PCDH7: variants seen among roughly 807,000 people sequenced by gnomAD.
PCDH7 encodes the protein protocadherin 7, also known as protocadherin-7.
A neutral mutation model predicts 58.9 loss-of-function variants in PCDH7; 17 were observed. The ratio of observed to expected loss-of-function variants is 0.29; its 90% CI spans 0.20 to 0.43. The LOEUF (loss-of-function observed/expected upper bound fraction) is 0.43, where lower values mean the gene tolerates loss of function less well. PCDH7 is among the 20% of genes least tolerant of loss of function. The pLI is 1.00. For synonymous variants in PCDH7, 664 were observed against 616.4 expected, an observed-to-expected ratio of 1.08 and a Z score of -1.14; for missense variants, 1,274 against 1,441.0, an observed-to-expected ratio of 0.88 and a Z score of 1.88.
intron 3 of PCDH7, among the ~76,000 whole-genome samples, chr4:31,035,168 T>A (rs1755288162): frequency 6.6e-6 from 1 of 152,100 alleles, no homozygotes. Flanking sequence ...CAGTAAGATA[T>A]GTACTTGTCC....
Position 30,758,658 on chromosome 4 carries a change from C to A in PCDH7, c.70+34062C>A, listed in dbSNP as rs564016017. Among the ~76,000 whole-genome samples the A allele has an allele frequency of 2.2e-4, 34 of 152,246 alleles. 1 individual carries two copies. Among genetic ancestry groups the A allele is most frequent in the Admixed American group, 2.1e-3 (32 of 15,298 alleles). On this transcript the variant is annotated intron_variant, in intron 1 of 3. Coordinates refer to the PCDH7 transcript ENST00000509759. ...ACTAAAGGGCAGATAGGACAAATGA[C>A]CCTGCCTGCATCGGTGGACAGGAAG...
chr4:30,988,053 G>A (rs549078817), intron 3 of PCDH7, among the ~76,000 whole-genome samples: 255 of 152,242 alleles, frequency 1.7e-3, no homozygotes, highest in African/African-American at 5.9e-3. Flanking sequence ...AAAACATGCT[G>A]TTCCCTAGAA....
chr4:30,948,208 T>A (rs1746945704), intron 2 of PCDH7, among the ~76,000 whole-genome samples: 2 of 151,622 alleles, frequency 1.3e-5, no homozygotes, highest in Non-Finnish European at 2.9e-5. Context: ...TAATTCATTA[T>A]CCCATAATAA....
chr4:30,941,919 A>C (rs1453236155), intron 2 of PCDH7, among the ~76,000 whole-genome samples: 2 of 151,976 alleles, frequency 1.3e-5, no homozygotes, highest in Non-Finnish European at 2.9e-5. Flanking sequence ...AGCTTGGTTT[A>C]AGTTTTAAGA....
exon 2 of PCDH7, chr4:30,731,275 A>C: frequency 1.1e-5 from 4 of 358,176 alleles, no homozygotes; most frequent in Non-Finnish European, 1.6e-5. Context: ...GTGAAGGATA[A>C]TATCTTTTGC....
chr4:31,033,660 A>T (rs895123411), intron 3 of PCDH7, among the ~76,000 whole-genome samples: 2 of 152,166 alleles, frequency 1.3e-5, no homozygotes, highest in Non-Finnish European at 2.9e-5. Flanking sequence ...CATTACAGGC[A>T]TTACCCGACA....
chr4:31,089,764 T>C (rs188952411), intron 3 of PCDH7, among the ~76,000 whole-genome samples: 9 of 152,238 alleles, frequency 5.9e-5, no homozygotes, highest in Admixed American at 1.3e-4. Flanking sequence ...ATAGTAACTT[T>C]AGGTAATGGA....
intron 1 of PCDH7, among the ~76,000 whole-genome samples, chr4:30,740,205 C>T (rs1426935561): frequency 6.6e-6 from 1 of 152,180 alleles, no homozygotes; most frequent in African/African-American, 2.4e-5. Flanking sequence ...GGGAACACAT[C>T]TATTTTACAG....
chr4:30,858,810 T>C (rs945158146), intron 1 of PCDH7, among the ~76,000 whole-genome samples: 2 of 152,172 alleles, frequency 1.3e-5, no homozygotes, highest in African/African-American at 4.8e-5. Flanking sequence ...AAGTCTTTTT[T>C]TTTTAAACTT....
intron 3 of PCDH7, among the ~76,000 whole-genome samples, chr4:30,964,589 G>A (rs1024801796): frequency 6.8e-6 from 1 of 146,556 alleles, no homozygotes; most frequent in Non-Finnish European, 1.5e-5. Context: ...TTTTCATATC[G>A]TTGCATATGA....
chr4:30,784,197 C>A (rs753363293), intron 1 of PCDH7, among the ~76,000 whole-genome samples: 1 of 152,194 alleles, frequency 6.6e-6, no homozygotes, highest in Non-Finnish European at 1.5e-5. Context: ...TCCAGTTCTA[C>A]TCTGACCCTT....
At chr4:31,096,681 CA>C (rs1714030822) in intron 3 of PCDH7, among the ~76,000 whole-genome samples, 1 of 152,068 alleles carries the variant, frequency 6.6e-6, no homozygotes, top group Non-Finnish European at 1.5e-5. Context: ...GATATATCGA[CA>C]AGGGAAATCT....
At chr4:31,122,755 C>A (rs1260583063) in intron 3 of PCDH7, among the ~76,000 whole-genome samples, 1 of 150,824 alleles carries the variant, frequency 6.6e-6, no homozygotes, top group African/African-American at 2.4e-5. Flanking sequence ...GGGATTTAAG[C>A]AGTAAAAAAA....
chr4:30,740,661 A>C (rs1716945014), intron 1 of PCDH7, among the ~76,000 whole-genome samples: 1 of 152,086 alleles, frequency 6.6e-6, no homozygotes, highest in African/African-American at 2.4e-5. Context: ...TACAAAAAAA[A>C]GATACATGTT....
intron 2 of PCDH7, among the ~76,000 whole-genome samples, chr4:30,925,547 CT>C (rs1553914966): frequency 1.3e-5 from 2 of 152,174 alleles, no homozygotes; most frequent in Non-Finnish European, 1.5e-5. Flanking sequence ...CAGAAAGAGA[CT>C]AACATGACTT....
chr4:31,055,231 T>A (rs925851771), intron 3 of PCDH7, among the ~76,000 whole-genome samples: 8 of 152,178 alleles, frequency 5.3e-5, no homozygotes, highest in Non-Finnish European at 7.4e-5. Flanking sequence ...CAGAAAAACA[T>A]GTTAGATTTG....
At chr4:30,933,437 C>G (rs1431606937) in intron 2 of PCDH7, among the ~76,000 whole-genome samples, 2 of 152,192 alleles carry the variant, frequency 1.3e-5, no homozygotes, top group Non-Finnish European at 2.9e-5. Flanking sequence ...GTGCTTCTTT[C>G]AGTGTCCGCT....
intron 3 of PCDH7, among the ~76,000 whole-genome samples, chr4:31,127,832 G>A (rs895374044): frequency 3.0e-4 from 45 of 151,964 alleles, no homozygotes; most frequent in Admixed American, 9.2e-4. Flanking sequence ...ATTATATTAT[G>A]CTATAGCAAA....
intron 2 of PCDH7, among the ~76,000 whole-genome samples, chr4:30,946,795 C>T (rs1243916096): frequency 2.6e-5 from 4 of 151,614 alleles, no homozygotes; most frequent in Non-Finnish European, 4.4e-5. Flanking sequence ...GCAACCTCCA[C>T]CTCCTGTGTT....
Sources: allele counts gnomAD v4.1 joint callset (sites outside exome capture counted in the v4.1 genomes callset), GRCh38; gene constraint gnomAD v4.1.1; transcripts MANE v1.5; gene names NCBI Gene and HGNC (gene_info 2026-07-23, HGNC 2026-07-21).